Variants in SF3B3 observed in about 807,000 individuals in gnomAD.
The protein encoded by SF3B3 is splicing factor 3b subunit 3.
SF3B3 carries 33 observed loss-of-function variants against 139.2 expected under a neutral mutation model. The observed-to-expected ratio is 0.24, with a 90% CI of 0.18 to 0.32. The LOEUF (loss-of-function observed/expected upper bound fraction) is 0.32. SF3B3 is among the 10% of genes least tolerant of loss of function. The probability of loss-of-function intolerance (pLI) is 1.00; values close to 1 mark genes in which losing one functional copy is unlikely to be tolerated. For missense variants in SF3B3, 818 were observed against 1,509.4 expected (o/e 0.54, Z 7.59); for synonymous variants, 596 against 563.6 (o/e 1.06, Z -0.81).
intron 2 of SF3B3, among the ~76,000 whole-genome samples, chr16:70,527,900 T>C (rs961924621): frequency 6.6e-6 from 1 of 151,588 alleles, no homozygotes; most frequent in Admixed American, 6.6e-5. Context: ...CTCAGCCTCC[T>C]GAGTAGCTGG....
chr16:70,568,248 ACACC>A (rs752684064), intron 21 of SF3B3, 31 bp from the exon 22 acceptor site: 1 of 1,517,056 alleles, frequency 6.6e-7, no homozygotes, highest in South Asian at 1.1e-5. Context: ...CCCCAAGATT[ACACC>A]CACCATCACT....
intron 10 of SF3B3, among the ~76,000 whole-genome samples, chr16:70,544,772 C>A (rs984713504): frequency 5.3e-5 from 8 of 152,202 alleles, no homozygotes; most frequent in African/African-American, 1.7e-4. Flanking sequence ...CTCACTGCAG[C>A]CTTGACCTCT....
intron 21 of SF3B3, 78 bp from the exon 22 acceptor site, chr16:70,568,205 A>T: frequency 9.1e-7 from 1 of 1,099,748 alleles, no homozygotes; most frequent in Non-Finnish European, 1.4e-6. Context: ...TACGTATGTC[A>T]TACGGAAAGC....
chr16:70,533,986 C>T (rs945393535), intron 5 of SF3B3, among the ~76,000 whole-genome samples: 6 of 152,154 alleles, frequency 3.9e-5, no homozygotes, highest in Admixed American at 6.6e-5. Context: ...AAAAATTAGA[C>T]GTGGTGCCGC....
rs1448693019 is a variant in SF3B3, at chr16:70,575,191, T to C, written c.*3378T>C. On this transcript the variant is annotated 3_prime_UTR_variant, in exon 26 of 26. Transcript: ENST00000302516. The stretch of plus-strand genomic sequence containing the variant: ...CTTTTTTTTCTTTTTCTTTTTCTTT[T>C]TTTTCTTTTTTTTTTTTTTTTTTTT... The C allele has an allele frequency of 4.8e-5, 7 of 145,416 alleles. No individual in the cohort carries two copies. The highest frequency in any genetic ancestry group is 1.8e-4 in the African/African-American group (7 of 37,998). 9.0% of individuals were successfully genotyped at this position (145,416 alleles called of 1,614,324 possible).
chr16:70,553,438 C>G (rs1261430302), intron 11 of SF3B3, among the ~76,000 whole-genome samples: 3 of 152,200 alleles, frequency 2.0e-5, no homozygotes, highest in Non-Finnish European at 4.4e-5. Context: ...AGGAGTGAGT[C>G]AGCCACTACA....
At chr16:70,538,655 C>T (rs1012195655) in intron 7 of SF3B3, among the ~76,000 whole-genome samples, 195 bp downstream of exon 7, 6 of 152,152 alleles carry the variant, frequency 3.9e-5, no homozygotes, top group African/African-American at 1.4e-4. Context: ...AGCGGCAATG[C>T]CACTTGTAGT....
Position 70,568,232 on chromosome 16 carries a change from T to G in SF3B3, c.2953-51T>G, listed in dbSNP as rs374986853. 1.1e-4 allele frequency: 150 copies of G among 1,427,954 alleles called. 1 individual carries two copies. Among genetic ancestry groups the G allele is most frequent in the Middle Eastern group, 1.8e-4 (1 of 5,680 alleles). The allele number at this position is 1,427,954 out of a possible 1,614,324, so 88.5% of individuals were successfully genotyped here. A position where few individuals can be genotyped will look rare whatever the true frequency, so the allele number is the denominator to read the frequency against. ...ACGGAAAGCTGGGCTTTCTTTGGGT[T>G]CTGAACCCCAAGATTACACCCACCA... On this transcript the variant is annotated intron_variant, in intron 21 of 25. Transcript: ENST00000302516.
At chr16:70,527,709 T>C (rs1039868434) in intron 2 of SF3B3, among the ~76,000 whole-genome samples, 7 of 152,326 alleles carry the variant, frequency 4.6e-5, no homozygotes, top group African/African-American at 1.7e-4. Flanking sequence ...GGAGTTTGGA[T>C]AGAATTTTTG....
At chr16:70,544,291 C>T in intron 9 of SF3B3, 147 bp from the exon 10 acceptor site, 1 of 599,690 alleles carries the variant, frequency 1.7e-6, no homozygotes, top group Non-Finnish European at 3.0e-6. Flanking sequence ...GTCAAAACTA[C>T]AATACAGATC....
At chr16:70,566,633 G>A (rs2050479613) in intron 20 of SF3B3, among the ~76,000 whole-genome samples, 1 of 152,146 alleles carries the variant, frequency 6.6e-6, no homozygotes, top group African/African-American at 2.4e-5. Context: ...AAAATAAAAA[G>A]AATATTCTCT....
At position 70,554,449 on chromosome 16, in the gene SF3B3, A is replaced by G; in HGVS notation, c.1406A>G (p.Glu469Gly). The G allele has an allele frequency of 6.2e-7, 1 of 1,613,754 alleles. No individual in the cohort carries two copies. Among genetic ancestry groups the G allele is most frequent in the Non-Finnish European group, 8.5e-7 (1 of 1,179,844 alleles). The change falls in exon 12 of 26, where the codon GAG becomes GGG. Residue 469 changes from glutamate (E) to glycine (G), a missense_variant. Glu to Gly is a moderately conservative substitution (Grantham distance 98). This residue lies in a region of SF3B3 where 31 missense variants were observed against 77.3 expected (regional missense o/e 0.40). Coordinates refer to ENST00000302516, the MANE Select transcript of SF3B3 (RefSeq NM_012426.5). ...VWTVRRHIED[E>G]FDAYIIVSFV... ...ACTCCCTTCTTTTCTTTTTCAGATG[A>G]GTTTGATGCCTACATCATTGTGTCT...
In SF3B3 at chr16:70,569,923, C is replaced by A. The variant is rs569760192; in HGVS notation, c.3265-83C>A. The A allele has an allele frequency of 2.4e-5, 35 of 1,481,778 alleles. No homozygotes were observed. In the South Asian group the frequency reaches 4.0e-4, roughly 17 times the overall value. The allele number at this position is 1,481,778 out of a possible 1,614,324, so 91.8% of individuals were successfully genotyped here. ...GGATGTTAATAGATGATGAAATGTG[C>A]CTTAGGGAGCACTGCTTGCCCTTGG... On this transcript the variant is annotated intron_variant, in intron 23 of 25. Coordinates refer to ENST00000302516, the MANE Select transcript of SF3B3 (RefSeq NM_012426.5).
Position 70,556,311 on chromosome 16 carries a change from A to C in SF3B3, c.1843A>C (p.Arg615=). The C allele has an allele frequency of 6.2e-7, 1 of 1,614,198 alleles. No homozygotes were observed. Among genetic ancestry groups the C allele is most frequent in the East Asian group, 2.2e-5 (1 of 44,882 alleles). Residue 615 remains arginine, a synonymous_variant, in exon 14 of 26, where the codon AGA becomes CGA. Transcript: ENST00000302516. ...TGTGGGGCTTGTGGACAACACTGTC[A>C]GAATCATCTCCCTGGATCCCTCAGT... The part of the protein sequence containing the change: ...LAVGLVDNTV[R]IISLDPSDCL...
rs1271272041 is a variant in SF3B3 at position 70,573,510 on chromosome 16, C to T, written c.*1697C>T. Reference sequence around the variant, plus strand: ...ACCGAGCTTCCTCTGGAAGTCTGCCCATCAGCTTGCTTGTTCTCTGTTAAG... The same window carrying T: ...ACCGAGCTTCCTCTGGAAGTCTGCCTATCAGCTTGCTTGTTCTCTGTTAAG... On this transcript the variant is annotated 3_prime_UTR_variant, in exon 26 of 26. Transcript: ENST00000302516. 6.6e-6 allele frequency: 1 copy of T among 152,186 alleles called. No homozygotes were observed. The highest frequency in any genetic ancestry group is 1.5e-5 in the Non-Finnish European group (1 of 68,034). The allele number at this position is 152,186 out of a possible 1,614,324, so 9.4% of individuals were successfully genotyped here. A position where few individuals can be genotyped will look rare whatever the true frequency, so the allele number is the denominator to read the frequency against.
chr16:70,569,530 G>A (rs534572827), intron 23 of SF3B3, among the ~76,000 whole-genome samples: 10 of 152,218 alleles, frequency 6.6e-5, no homozygotes, highest in East Asian at 1.9e-4. Context: ...GATTCTTATC[G>A]TAAGAAATGA....
chr16:70,538,570 G>C, intron 7 of SF3B3, 110 bp downstream of exon 7: 2 of 915,010 alleles, frequency 2.2e-6, no homozygotes, highest in South Asian at 3.4e-5. Flanking sequence ...AGTTGCCCTT[G>C]GAACCGGTAT....
chr16:70,553,172 T>G lies in SF3B3; in HGVS notation c.1403-1274T>G, dbSNP rs537596819. Among the ~76,000 whole-genome samples the G allele has an allele frequency of 6.4e-4, 98 of 152,338 alleles. 1 individual carries two copies. Among genetic ancestry groups the G allele is most frequent in the African/African-American group, 2.3e-3 (94 of 41,580 alleles). ...CCTGATCTCAGGTGATCTACCCACC[T>G]TGGCCTCCCAAAGTGCTGGGATTAC... is the stretch of plus-strand genomic sequence containing the variant. On this transcript the variant is annotated intron_variant, in intron 11 of 25. Coordinates refer to ENST00000302516, the MANE Select transcript of SF3B3 (RefSeq NM_012426.5).
chr16:70,556,426 A>C (rs116746911), intron 14 of SF3B3, 92 bp downstream of exon 14: 59 of 1,396,124 alleles, frequency 4.2e-5, no homozygotes, highest in Non-Finnish European at 5.6e-5. Flanking sequence ...CCTGATGTCT[A>C]TCTCTGAGAT....
Sources: gnomAD v4.1 joint callset for allele counts (sites outside exome capture counted in the v4.1 genomes callset) on GRCh38, gnomAD v4.1.1 for gene constraint, gnomAD v4.1.1 regional missense constraint, MANE v1.5 for transcripts, NCBI Gene and HGNC (gene_info 2026-07-23, HGNC 2026-07-21) for gene names.